Variants in KDM1B observed in about 807,000 individuals in gnomAD.
The protein encoded by KDM1B is lysine-specific histone demethylase 2.
In KDM1B, 63 loss-of-function variants were observed where a neutral mutation model predicts 107.4. The observed-to-expected ratio is 0.59, with a 90% CI of 0.48 to 0.72. KDM1B has a LOEUF of 0.72. Ranked by LOEUF, KDM1B falls within the 30% of genes least tolerant of loss-of-function variation. The pLI is 0.00. For synonymous variants in KDM1B, 363 were observed against 363.9 expected (o/e 1.00, Z 0.03); for missense variants, 749 against 1,020.8 (o/e 0.73, Z 3.63).
chr6:18,219,517 ACTTT>A (rs756788355), intron 21 of KDM1B, among the ~76,000 whole-genome samples: 2 of 152,152 alleles, frequency 1.3e-5, no homozygotes, highest in Non-Finnish European at 2.9e-5. Flanking sequence ...CTTTATGAGC[ACTTT>A]CTTGTTTGCA....
intron 21 of KDM1B, among the ~76,000 whole-genome samples, chr6:18,219,425 CTAT>C (rs1357889002): frequency 1.3e-5 from 2 of 152,152 alleles, no homozygotes; most frequent in East Asian, 3.9e-4. Context: ...TTCCTCTTTA[CTAT>C]TATTCATCTC....
In KDM1B at chr6:18,211,626, C is replaced by G. The variant is rs904023948; in HGVS notation, c.1867-862C>G. ...ACGTGGTTCTGTATGTGGCATGATT[C>G]TGGAGCTGGCAGTAGTAGTAATGGC... On this transcript the variant is annotated intron_variant, in intron 17 of 21. Transcript: ENST00000650836. This position sits in a 1 kb window ranked among gnomAD's most constrained non-coding sequence, Gnocchi z 5.2. 6 of 152,308 alleles carry G rather than the reference C, an allele frequency of 3.9e-5. No homozygotes were observed. The highest frequency in any genetic ancestry group is 1.4e-4 in the African/African-American group (6 of 41,444). 9.4% of individuals were successfully genotyped at this position (152,308 alleles called of 1,614,324 possible).
chr6:18,166,844 AG>A (rs2150797023), intron 6 of KDM1B, among the ~76,000 whole-genome samples: 1 of 151,140 alleles, frequency 6.6e-6, no homozygotes, highest in South Asian at 2.1e-4. Flanking sequence ...ACAGAGTGAG[AG>A]GCTGTCTCAA....
chr6:18,221,182 T>C (rs530457852), intron 21 of KDM1B, among the ~76,000 whole-genome samples: 1 of 152,256 alleles, frequency 6.6e-6, no homozygotes, highest in Admixed American at 6.5e-5. Flanking sequence ...TATCCAGGCA[T>C]CAGTTTAGGT....
At chr6:18,177,874 C>T (rs1010730377) in intron 7 of KDM1B, among the ~76,000 whole-genome samples, 1 of 152,012 alleles carries the variant, frequency 6.6e-6, no homozygotes, top group African/African-American at 2.4e-5. Flanking sequence ...GCGACAGAGC[C>T]CAGAATATTT....
chr6:18,199,782 T>C (rs1387480245), intron 12 of KDM1B, among the ~76,000 whole-genome samples: 1 of 152,134 alleles, frequency 6.6e-6, no homozygotes, highest in Non-Finnish European at 1.5e-5. Context: ...TATGTAGATA[T>C]TTCTTAGGAA....
rs562760461 is a variant in KDM1B, at chr6:18,204,301, A to C, written c.1532-1236A>C. ...GGAGTTTGAGACCAGCCTGGGCAACATGGTGAAACCCATCTCTACTAAAAA... is the reference window on the plus strand; with the variant it reads ...GGAGTTTGAGACCAGCCTGGGCAACCTGGTGAAACCCATCTCTACTAAAAA... On this transcript the variant is annotated intron_variant, in intron 14 of 21. Coordinates refer to ENST00000650836, the MANE Select transcript of KDM1B (RefSeq NM_001364614.2). The surrounding 1 kb of genome is among the most constrained non-coding windows in gnomAD (Gnocchi z 4.9). Among the ~76,000 whole-genome samples, 2 of 152,206 alleles carry C rather than the reference A, an allele frequency of 1.3e-5. No individual in the cohort carries two copies. Among genetic ancestry groups the C allele is most frequent in the East Asian group, 3.9e-4 (2 of 5,174 alleles).
chr6:18,191,561 C>G lies in KDM1B; in HGVS notation c.969+180C>G, dbSNP rs900556854. Among the ~76,000 whole-genome samples, 9 of 152,158 alleles carry G rather than the reference C, an allele frequency of 5.9e-5. No homozygotes were observed. Among genetic ancestry groups the G allele is most frequent in the African/African-American group, 2.2e-4 (9 of 41,430 alleles). ...TGTCTTTGCACTGTAGGATATTTAG[C>G]AAGATCCCTGGCTTCTACCCACTAG... is the stretch of plus-strand genomic sequence containing the variant. On this transcript the variant is annotated intron_variant, in intron 10 of 21. Coordinates refer to ENST00000650836, the MANE Select transcript of KDM1B (RefSeq NM_001364614.2). The surrounding 1 kb of genome is among the most constrained non-coding windows in gnomAD (Gnocchi z 5.1).
chr6:18,208,740 G>A (rs1409809181), intron 17 of KDM1B, among the ~76,000 whole-genome samples: 2 of 136,886 alleles, frequency 1.5e-5, no homozygotes, highest in African/African-American at 5.5e-5. Flanking sequence ...CGCCTCCCGG[G>A]TTCACGCCAT....
chr6:18,185,365 A>G (rs1786788608), intron 7 of KDM1B, among the ~76,000 whole-genome samples: 1 of 151,200 alleles, frequency 6.6e-6, no homozygotes, highest in Non-Finnish European at 1.5e-5. Context: ...GCAGTAGCGC[A>G]GTCTCGGCTC....
chr6:18,165,127 G>GTTTTT (rs1276116318), intron 5 of KDM1B, among the ~76,000 whole-genome samples: 6 of 49,716 alleles, frequency 1.2e-4, no homozygotes, highest in Non-Finnish European at 2.5e-4. Context: ...TGCCTTCTCT[G>GTTTTT]ATTTTTTTTT....
chr6:18,167,170 C>T (rs930711681), intron 6 of KDM1B, among the ~76,000 whole-genome samples: 11 of 151,860 alleles, frequency 7.2e-5, no homozygotes, highest in African/African-American at 2.7e-4. Flanking sequence ...TCCTGGCCAA[C>T]ATGGGGAAAC....
chr6:18,219,820 G>A (rs1435027438), intron 21 of KDM1B, among the ~76,000 whole-genome samples: 6 of 152,312 alleles, frequency 3.9e-5, no homozygotes, highest in Middle Eastern at 3.4e-3. Context: ...AGTTTCCTGT[G>A]TGGTGGAAGC....
At chr6:18,216,124 G>T (rs1373694588) in intron 20 of KDM1B, among the ~76,000 whole-genome samples, 1 of 152,112 alleles carries the variant, frequency 6.6e-6, no homozygotes, top group African/African-American at 2.4e-5. Context: ...CTTTCGCCCA[G>T]GCTGGAGTGC....
At chr6:18,175,695 A>G (rs987451309) in intron 7 of KDM1B, among the ~76,000 whole-genome samples, 1 of 152,072 alleles carries the variant, frequency 6.6e-6, no homozygotes, top group Admixed American at 6.6e-5. Context: ...TGGCTAGCCA[A>G]TTATCCCAGC....
intron 9 of KDM1B, among the ~76,000 whole-genome samples, chr6:18,188,929 G>A (rs1205095905): frequency 4.0e-5 from 6 of 151,876 alleles, no homozygotes; most frequent in African/African-American, 7.3e-5. Flanking sequence ...GATTACAAGC[G>A]CATGCTACCA....
At position 18,184,752 on chromosome 6, in the gene KDM1B, T is replaced by TTG. The variant is rs1554144238; in HGVS notation, c.535-1019_535-1018insGT. Among the ~76,000 whole-genome samples the TTG allele has an allele frequency of 5.2e-3, 707 of 135,562 alleles. 7 individuals carry two copies. Among genetic ancestry groups the TTG allele is most frequent in the African/African-American group, 0.018 (665 of 37,552 alleles). 88.9% of individuals were successfully genotyped at this position (135,562 alleles called of 152,430 possible). On this transcript the variant is annotated intron_variant, in intron 7 of 21. Transcript: ENST00000650836. Reference sequence around the variant, plus strand: ...GCTTTTTTCCTTTTTTTTTTTTTTTTTTTTTTTTAAGACAAGGTCTCTTGT... The same window carrying TTG: ...GCTTTTTTCCTTTTTTTTTTTTTTTTTGTTTTTTTTAAGACAAGGTCTCTTGT...
intron 7 of KDM1B, among the ~76,000 whole-genome samples, chr6:18,183,887 G>A (rs1362181805): frequency 6.6e-6 from 1 of 152,050 alleles, no homozygotes. Flanking sequence ...ATGCTACTGT[G>A]AGCATTCTTG....
rs901743607 is a variant in KDM1B, at chr6:18,222,038, T to C, written c.*46T>C. ...TCTTCTGTACCCCAGATGGGGAAAT[T>C]TGAATCACATGTTAAACCTCAGTTT... On this transcript the variant is annotated 3_prime_UTR_variant, in exon 22 of 22. Coordinates refer to ENST00000650836, the MANE Select transcript of KDM1B (RefSeq NM_001364614.2). 2.0e-6 allele frequency: 3 copies of C among 1,532,196 alleles called. No homozygotes were observed. Among genetic ancestry groups the C allele is most frequent in the African/African-American group, 1.4e-5 (1 of 73,156 alleles). The allele number at this position is 1,532,196 out of a possible 1,614,324, so 94.9% of individuals were successfully genotyped here.
Sources: gnomAD v4.1 joint callset for allele counts (sites outside exome capture counted in the v4.1 genomes callset) on GRCh38, gnomAD v4.1.1 for gene constraint, Gnocchi (gnomAD v3.1) non-coding constraint, MANE v1.5 for transcripts, NCBI Gene and HGNC (gene_info 2026-07-23, HGNC 2026-07-21) for gene names.